Variants in ODF2L observed in about 807,000 individuals in gnomAD.
ODF2L encodes the protein protein BCAP.
In ODF2L, 76 loss-of-function variants were observed where a neutral mutation model predicts 86.3. The ratio of observed to expected loss-of-function variants is 0.88; its 90% CI spans 0.73 to 1.07. The LOEUF (loss-of-function observed/expected upper bound fraction) is 1.07, where lower values mean the gene tolerates loss of function less well. Among genes scored for constraint, ODF2L ranks in the 50% least tolerant of loss-of-function variants. The pLI, the probability that ODF2L is intolerant of heterozygous loss-of-function variation, is 0.00. For missense variants in ODF2L, 748 were observed against 717.4 expected, an observed-to-expected ratio of 1.04 and a Z score of -0.49; for synonymous variants, 241 against 231.3, an observed-to-expected ratio of 1.04 and a Z score of -0.38.
At chr1:86,357,673 A>G (rs1658692379) in intron 13 of ODF2L, 7 of 804,202 alleles carry the variant, frequency 8.7e-6, no homozygotes, top group Non-Finnish European at 9.0e-6. Flanking sequence ...AGGATCCCTC[A>G]GTGTCCTTAA....
chr1:86,394,411 CAAA>C (rs34652957), intron 1 of ODF2L, among the ~76,000 whole-genome samples: 1 of 115,596 alleles, frequency 8.7e-6, no homozygotes, highest in Non-Finnish European at 1.8e-5. Flanking sequence ...GACTCCATCT[CAAA>C]AAAAAAAAAA....
At chr1:86,379,865 T>C (rs1454794920) in intron 7 of ODF2L, among the ~76,000 whole-genome samples, 1 of 152,302 alleles carries the variant, frequency 6.6e-6, no homozygotes, top group East Asian at 1.9e-4. Context: ...TGATTGTAAC[T>C]AATTGGCATG....
chr1:86,365,379 G>A (rs886198537), intron 11 of ODF2L, among the ~76,000 whole-genome samples: 1 of 152,102 alleles, frequency 6.6e-6, no homozygotes, highest in African/African-American at 2.4e-5. Flanking sequence ...AGTAATGGAA[G>A]GATAAAACAA....
chr1:86,363,440 T>C (rs1467238255), intron 11 of ODF2L, among the ~76,000 whole-genome samples: 1 of 152,190 alleles, frequency 6.6e-6, no homozygotes, highest in Non-Finnish European at 1.5e-5. Context: ...AGATTTGTTT[T>C]AAAATTAGCA....
intron 8 of ODF2L, 58 bp downstream of exon 8, chr1:86,376,175 T>C (rs1182222864): frequency 1.4e-5 from 12 of 885,956 alleles, no homozygotes; most frequent in Admixed American, 2.5e-5. Flanking sequence ...ATGATATTAA[T>C]TATATAAACT....
At chr1:86,368,716 A>C in exon 11 of ODF2L, 1 of 1,449,354 alleles carries the variant, frequency 6.9e-7, no homozygotes, top group Non-Finnish European at 9.2e-7. Context: ...CTACATGGGA[A>C]TCTAAGCTAA....
At chr1:86,349,501 A>G (rs953215739), downstream of ODF2L, 1 of 152,198 alleles carries the variant, frequency 6.6e-6, no homozygotes, top group African/African-American at 2.4e-5. Flanking sequence ...AAAAGAGAGA[A>G]CTTTTACATC....
chr1:86,376,209 T>G, intron 8 of ODF2L, 24 bp downstream of exon 8: 2 of 1,380,400 alleles, frequency 1.4e-6, no homozygotes, highest in Non-Finnish European at 2.0e-6. Context: ...ATCTTTTAAT[T>G]TTAAAAAGAA....
At chr1:86,384,617 T>C in intron 4 of ODF2L, 59 bp downstream of exon 4, 4 of 1,103,514 alleles carry the variant, frequency 3.6e-6, no homozygotes, top group Non-Finnish European at 4.8e-6. Flanking sequence ...TTAAAAATAA[T>C]GTATCCTTCA....
intron 12 of ODF2L, among the ~76,000 whole-genome samples, chr1:86,359,177 G>C (rs1272412211): frequency 6.6e-6 from 1 of 150,850 alleles, no homozygotes; most frequent in Non-Finnish European, 1.5e-5. Flanking sequence ...TCACTTCAAA[G>C]AATCAGTCTC....
At chr1:86,386,749 G>T (rs1660981763) in intron 2 of ODF2L, 166 bp downstream of exon 2, 2 of 431,392 alleles carry the variant, frequency 4.6e-6, no homozygotes, top group South Asian at 7.6e-5. Flanking sequence ...TCTGCTAGAT[G>T]AGTACACTTG....
chr1:86,393,840 A>G (rs1328852972), intron 1 of ODF2L, among the ~76,000 whole-genome samples: 1 of 152,242 alleles, frequency 6.6e-6, no homozygotes, highest in African/African-American at 2.4e-5. Flanking sequence ...TACCTAACAC[A>G]GTGGGGAGCA....
Position 86,375,900 on chromosome 1 carries a change from T to C in ODF2L, c.810+333A>G, listed in dbSNP as rs1275105697. 3.3e-5 allele frequency among the ~76,000 whole-genome samples: 5 copies of C among 152,270 alleles called. No individual in the cohort carries two copies. The East Asian group carries it at 9.7e-4, about 29-fold the overall frequency. On this transcript the variant is annotated intron_variant, in intron 8 of 17. Coordinates refer to ENST00000317336, the Ensembl canonical transcript of ODF2L. ...TCTCAGAACCTTTAATTTGCTAACATAGACCACAATGTCCCAAGGGGAAAT... is the reference window on the plus strand; with the variant it reads ...TCTCAGAACCTTTAATTTGCTAACACAGACCACAATGTCCCAAGGGGAAAT...
exon 8 of ODF2L, chr1:86,376,306 G>A (rs776863436): frequency 1.2e-6 from 2 of 1,612,404 alleles, no homozygotes; most frequent in Non-Finnish European, 1.7e-6. Context: ...GTAAACTTTA[G>A]ATGCCTTTTT....
At chr1:86,348,099 G>A (rs963884027), downstream of ODF2L, 1 of 152,000 alleles carries the variant, frequency 6.6e-6, no homozygotes, top group African/African-American at 2.4e-5. Context: ...ATAAAAGAGA[G>A]TACAAATTGA....
chr1:86,352,757 A>C (rs1459783612), intron 17 of ODF2L, 102 bp downstream of exon 16: 8 of 661,330 alleles, frequency 1.2e-5, no homozygotes, highest in Non-Finnish European at 1.8e-5. Context: ...TTTTAATATT[A>C]TCAGTAAAAC....
At chr1:86,381,461 T>G (rs966390544) in intron 7 of ODF2L, among the ~76,000 whole-genome samples, 1 of 151,752 alleles carries the variant, frequency 6.6e-6, no homozygotes. Flanking sequence ...CAAACTCGAG[T>G]ATGGTTTTGA....
At chr1:86,350,694 T>C (rs1462436719) in exon 18 of ODF2L, 2 of 152,208 alleles carry the variant, frequency 1.3e-5, no homozygotes, top group East Asian at 3.8e-4. Flanking sequence ...TCCGCAGTGG[T>C]TGAACTAATT....
intron 14 of ODF2L, chr1:86,355,429 TTTCTCATA>T (rs754934018): frequency 9.3e-7 from 1 of 1,079,800 alleles, no homozygotes; most frequent in Non-Finnish European, 1.4e-6. Flanking sequence ...AAAAAATTTT[TTTCTCATA>T]ATTTCAATTA....
Sources: gnomAD v4.1 joint callset for allele counts (sites outside exome capture counted in the v4.1 genomes callset) on GRCh38, gnomAD v4.1.1 for gene constraint, MANE v1.5 for transcripts, NCBI Gene and HGNC (gene_info 2026-07-23, HGNC 2026-07-21) for gene names.